Variants in UVSSA observed in about 807,000 individuals in gnomAD.
UVSSA encodes the protein UV-stimulated scaffold protein A.
UVSSA carries 72 observed loss-of-function variants against 73.9 expected under a neutral mutation model. The ratio of observed to expected loss-of-function variants is 0.97; its 90% CI spans 0.81 to 1.19. The LOEUF (loss-of-function observed/expected upper bound fraction) is 1.19. Ranked by LOEUF, UVSSA falls within the 50% of genes most tolerant of loss-of-function variation. The pLI, the probability that UVSSA is intolerant of heterozygous loss-of-function variation, is 0.00. For missense variants in UVSSA, 1,150 were observed against 965.0 expected (o/e 1.19, Z -2.54); for synonymous variants, 454 against 391.3 (o/e 1.16, Z -1.89).
At chr4:1,343,125 A>G (rs1713489081), upstream of UVSSA, among the ~76,000 whole-genome samples, 1 of 152,088 alleles carries the variant, frequency 6.6e-6, no homozygotes, top group Non-Finnish European at 1.5e-5. Context: ...AAGACCACGG[A>G]CTAGCGGGTT....
At chr4:1,394,221 A>T in exon 14 of UVSSA, 1 of 572,904 alleles carries the variant, frequency 1.7e-6, no homozygotes, top group Non-Finnish European at 3.0e-6. Context: ...GGAGTGTGGC[A>T]GAGCTTCTCA....
At chr4:1,380,581 C>A in intron 11 of UVSSA, 1 of 1,383,906 alleles carries the variant, frequency 7.2e-7, no homozygotes, top group Middle Eastern at 1.8e-4. Context: ...AGCTCCCAGC[C>A]GGGCAGCTGG....
chr4:1,364,996 C>G (rs1253846649), intron 7 of UVSSA, among the ~76,000 whole-genome samples: 1 of 152,186 alleles, frequency 6.6e-6, no homozygotes, highest in Non-Finnish European at 1.5e-5. Flanking sequence ...ACACCCTGTC[C>G]TGGGCCGTGG....
chr4:1,348,295 C>T, intron 2 of UVSSA, 106 bp downstream of exon 2: 2 of 841,850 alleles, frequency 2.4e-6, no homozygotes, highest in Non-Finnish European at 3.9e-6. Flanking sequence ...ACCCGAGGGA[C>T]ACACCCAGGA....
chr4:1,368,605 C>T (rs535237339), intron 8 of UVSSA, among the ~76,000 whole-genome samples: 6 of 152,354 alleles, frequency 3.9e-5, no homozygotes, highest in African/African-American at 1.4e-4. Context: ...CAGCCCCTGC[C>T]GGGTGTGCTG....
intron 3 of UVSSA, 107 bp from the exon 4 acceptor site, chr4:1,351,608 C>G: frequency 8.2e-7 from 1 of 1,215,744 alleles, no homozygotes; most frequent in Non-Finnish European, 1.1e-6. Context: ...CCAGGATGGT[C>G]TCGATCTCCT....
chr4:1,354,666 C>A, intron 5 of UVSSA, 69 bp from the exon 6 acceptor site: 1 of 1,429,170 alleles, frequency 7.0e-7, no homozygotes, highest in Non-Finnish European at 9.7e-7. Context: ...CTTGCATGGT[C>A]TGCCTCTCCG....
Position 1,354,198 on chromosome 4 carries a change from G to A in UVSSA, c.935-537G>A, listed in dbSNP as rs145384417. Among the ~76,000 whole-genome samples, 430 of 152,354 alleles carry A rather than the reference G, an allele frequency of 2.8e-3. 5 individuals carry two copies. The highest frequency in any genetic ancestry group is 9.7e-3 in the African/African-American group (405 of 41,580). The stretch of plus-strand genomic sequence containing the variant: ...GCAGTGAGGCTGCAGGCCTGTGCGG[G>A]GTGGACACCGCTGCTGCAAGCCTGG... On this transcript the variant is annotated intron_variant, in intron 5 of 13. Coordinates refer to ENST00000389851, the MANE Select transcript of UVSSA (RefSeq NM_020894.4).
chr4:1,367,412 T>G (rs533356558), intron 8 of UVSSA, among the ~76,000 whole-genome samples: 3 of 152,322 alleles, frequency 2.0e-5, no homozygotes, highest in Admixed American at 6.5e-5. Flanking sequence ...AGAAGAGATG[T>G]AGATTTGTTA....
At chr4:1,385,795 G>A in intron 13 of UVSSA, 73 bp from the exon 14 acceptor site, 6 of 1,527,570 alleles carry the variant, frequency 3.9e-6, no homozygotes, top group Admixed American at 1.7e-5. Context: ...CCTAACTTTG[G>A]TGATGCCGCC....
downstream of UVSSA, chr4:1,390,082 A>G (rs1396722047): frequency 6.6e-6 from 1 of 151,854 alleles, no homozygotes; most frequent in Non-Finnish European, 1.5e-5. Flanking sequence ...CTGATTTGAA[A>G]TCTTTTTCAT....
In UVSSA at chr4:1,395,274, C is replaced by T. The variant is rs372349050; in HGVS notation, c.*9313C>T. On this transcript the variant is annotated 3_prime_UTR_variant, in exon 14 of 14. Coordinates refer to the UVSSA transcript ENST00000511216. ...GTGGAGTGCCCGCCTGCTCACGTGC[C>T]GATGTGGAGTGCCCGCCTGCTCACA... 448 of 1,553,416 alleles carry T rather than the reference C, an allele frequency of 2.9e-4. 13 individuals carry two copies. Among genetic ancestry groups the T allele is most frequent in the South Asian group, 2.5e-3 (221 of 88,280 alleles).
At chr4:1,343,597 A>G (rs1379632660), upstream of UVSSA, among the ~76,000 whole-genome samples, 1 of 151,904 alleles carries the variant, frequency 6.6e-6, no homozygotes, top group Non-Finnish European at 1.5e-5. Context: ...GACCAGCCTG[A>G]CCAACATGGT....
chr4:1,368,322 C>T (rs955667064), intron 8 of UVSSA, among the ~76,000 whole-genome samples: 1 of 152,238 alleles, frequency 6.6e-6, no homozygotes, highest in Non-Finnish European at 1.5e-5. Flanking sequence ...TGTGGCGTCT[C>T]AAAAGCAGAA....
In UVSSA at chr4:1,383,885, C is replaced by T. The variant is rs1384076583; in HGVS notation, c.1981C>T (p.Leu661=). 6.2e-7 allele frequency: 1 copy of T among 1,613,564 alleles called. No homozygotes were observed. The highest frequency in any genetic ancestry group is 8.5e-7 in the Non-Finnish European group (1 of 1,179,998). The stretch of plus-strand genomic sequence containing the variant: ...GAGGAGGTACCCCAGCCTCACCAAC[C>T]TGAAGGCTCAGGCTGATACCGCCCG... ...KKRRYPSLTN[L]KAQADTARAR... is the part of the protein sequence containing the mutation. The change falls in exon 13 of 14, where the codon CTG becomes TTG. Residue 661 remains leucine (L), a synonymous_variant. Transcript: ENST00000389851.
At chr4:1,388,513 G>A (rs1720315525), downstream of UVSSA, 1 of 152,226 alleles carries the variant, frequency 6.6e-6, no homozygotes, top group Non-Finnish European at 1.5e-5. Context: ...TAGATGTGGT[G>A]AGAACAGACA....
chr4:1,393,835 T>A (rs1346427283), exon 14 of UVSSA: 1 of 159,574 alleles, frequency 6.3e-6, no homozygotes, highest in African/African-American at 2.4e-5. Flanking sequence ...GAGTTTATTG[T>A]TGTTCTGTTG....
Position 1,366,379 on chromosome 4 carries a change from T to C in UVSSA, c.1236T>C (p.Pro412=). ...DEDDEDFVEV[P]EKEGYEPHIP... ...ACGATGAGGACTTTGTGGAGGTCCC[T>C]GAGAAGGAGGGGTATGAGCCACACA... The change falls in exon 8 of 14, where the codon CCT becomes CCC. Residue 412 remains proline (P), a synonymous_variant. Coordinates refer to ENST00000389851, the MANE Select transcript of UVSSA (RefSeq NM_020894.4). The C allele has an allele frequency of 5.0e-6, 8 of 1,613,400 alleles. No homozygotes were observed. Among genetic ancestry groups the C allele is most frequent in the Non-Finnish European group, 6.8e-6 (8 of 1,179,674 alleles).
At chr4:1,381,679 G>C (rs1255871359) in intron 12 of UVSSA, among the ~76,000 whole-genome samples, 1 of 145,154 alleles carries the variant, frequency 6.9e-6, no homozygotes, top group Non-Finnish European at 1.5e-5. Context: ...TTTTTACTTT[G>C]ATTTGGCTTT....
Sources: gnomAD v4.1 joint callset for allele counts (sites outside exome capture counted in the v4.1 genomes callset) on GRCh38, gnomAD v4.1.1 for gene constraint, MANE v1.5 for transcripts, NCBI Gene and HGNC (gene_info 2026-07-23, HGNC 2026-07-21) for gene names.